Variants in ARHGEF10L observed in about 807,000 individuals in gnomAD.
ARHGEF10L encodes the protein rho guanine nucleotide exchange factor 10-like protein.
ARHGEF10L carries 69 observed loss-of-function variants against 141.2 expected under a neutral mutation model. The ratio of observed to expected loss-of-function variants is 0.49; its 90% CI spans 0.40 to 0.60. The LOEUF (loss-of-function observed/expected upper bound fraction) is 0.60. Among genes scored for constraint, ARHGEF10L ranks in the 20% least tolerant of loss-of-function variants. ARHGEF10L has a pLI of 0.00. For synonymous variants in ARHGEF10L, 711 were observed against 718.5 expected, an observed-to-expected ratio of 0.99 and a Z score of 0.17; for missense variants, 1,482 against 1,734.3, an observed-to-expected ratio of 0.85 and a Z score of 2.58.
Position 17,654,709 on chromosome 1 carries a change from A to T in ARHGEF10L, c.2468A>T (p.Gln823Leu). The T allele has an allele frequency of 6.2e-7, 1 of 1,614,056 alleles. No homozygotes were observed. Among genetic ancestry groups the T allele is most frequent in the South Asian group, 1.1e-5 (1 of 91,060 alleles). ...TCAGCAGTCAGCACCTCCCTTCCAC[A>T]GGGCTACCTCTGGGTGAGTCACCCC... ...GFSAVSTSLP[Q>L]GYLWVGGGQE... Residue 823 changes from glutamine (Q) to leucine (L), a missense_variant, in exon 23 of 29, where the codon CAG (glutamine) becomes CTG (leucine). By Grantham distance (113) the Gln-to-Leu change is moderately radical. Transcript: ENST00000361221. This position sits in a 1 kb window ranked among gnomAD's most constrained non-coding sequence, Gnocchi z 4.3.
In ARHGEF10L at chr1:17,685,002, C is replaced by A. The variant is rs543154879; in HGVS notation, c.3010-2571C>A. Reference sequence around the variant, plus strand: ...TGATCAGGAATGAGCCCGGAGCTCACTGGCTTAGCTCCGCATGGAGACCCC... The same window carrying A: ...TGATCAGGAATGAGCCCGGAGCTCAATGGCTTAGCTCCGCATGGAGACCCC... On this transcript the variant is annotated intron_variant, in intron 26 of 28. Transcript: ENST00000361221. Among the ~76,000 whole-genome samples, 182 of 152,302 alleles carry A rather than the reference C, an allele frequency of 1.2e-3. 1 individual carries two copies. Among genetic ancestry groups the A allele is most frequent in the African/African-American group, 4.1e-3 (169 of 41,560 alleles).
chr1:17,580,396 T>A (rs532694942), intron 1 of ARHGEF10L, among the ~76,000 whole-genome samples, 157 bp from the exon 2 acceptor site: 1 of 152,178 alleles, frequency 6.6e-6, no homozygotes, highest in Non-Finnish European at 1.5e-5. Flanking sequence ...TATGGGTTAA[T>A]GATTTATGAA....
intron 1 of ARHGEF10L, among the ~76,000 whole-genome samples, chr1:17,569,930 T>G (rs1438174641): frequency 6.6e-6 from 1 of 152,246 alleles, no homozygotes; most frequent in Non-Finnish European, 1.5e-5. Flanking sequence ...TCTGACCATT[T>G]CCTGGCATCA....
chr1:17,677,685 A>C (rs955445624), intron 26 of ARHGEF10L, among the ~76,000 whole-genome samples: 5 of 152,230 alleles, frequency 3.3e-5, no homozygotes, highest in Non-Finnish European at 7.3e-5. Flanking sequence ...CTCCATTAGC[A>C]GCAACTTGAG....
At chr1:17,519,891 A>C in the ARHGEF10L span, among the ~76,000 whole-genome samples, 1 of 151,556 alleles carries the variant, frequency 6.6e-6, no homozygotes, top group South Asian at 2.1e-4. Flanking sequence ...GGCCGGTTGC[A>C]TGATGTCACA....
chr1:17,574,203 G>A (rs114540187), intron 1 of ARHGEF10L, among the ~76,000 whole-genome samples: 1,982 of 152,258 alleles, frequency 0.013, 52 homozygotes, highest in African/African-American at 0.046. Flanking sequence ...CAGGGGCTCC[G>A]TAGCTGTGTG....
In ARHGEF10L at chr1:17,638,548, C is replaced by T; in HGVS notation, c.2044-14C>T. ...TGTGCTGTGTGGTGACCTCATTGGCCTCCTGAACCCTAGAACCTGAACATG... is the reference window on the plus strand; with the variant it reads ...TGTGCTGTGTGGTGACCTCATTGGCTTCCTGAACCCTAGAACCTGAACATG... On this transcript the variant is annotated splice_polypyrimidine_tract_variant and intron_variant, in intron 19 of 28. Transcript: ENST00000361221. 6.2e-7 allele frequency: 1 copy of T among 1,614,112 alleles called. No individual in the cohort carries two copies. Among genetic ancestry groups the T allele is most frequent in the Non-Finnish European group, 8.5e-7 (1 of 1,179,992 alleles).
chr1:17,606,568 A>G lies in ARHGEF10L; in HGVS notation c.434-1234A>G, dbSNP rs989513548. On this transcript the variant is annotated intron_variant, in intron 6 of 28. Transcript: ENST00000361221. ...CTCAGCCTCCCAAAGTGGTGGGATT[A>G]CAGGTGTGAGCCACCGCGACCAGTC... Among the ~76,000 whole-genome samples the G allele has an allele frequency of 3.3e-5, 5 of 151,068 alleles. No individual in the cohort carries two copies. The East Asian group carries it at 9.7e-4, about 29-fold the overall frequency.
At chr1:17,632,074 G>A (rs999140701) in intron 15 of ARHGEF10L, among the ~76,000 whole-genome samples, 1 of 152,226 alleles carries the variant, frequency 6.6e-6, no homozygotes, top group Non-Finnish European at 1.5e-5. Flanking sequence ...ACTGGCTGCT[G>A]GGCCCACACG....
At chr1:17,632,538 T>C (rs1321199381) in intron 16 of ARHGEF10L, 72 bp downstream of exon 16, 3 of 1,595,744 alleles carry the variant, frequency 1.9e-6, no homozygotes, top group Non-Finnish European at 2.6e-6. Flanking sequence ...TCCAGTCTCT[T>C]GGCCGGCCGC....
chr1:17,569,768 C>T (rs777530924), intron 1 of ARHGEF10L, among the ~76,000 whole-genome samples: 1 of 152,240 alleles, frequency 6.6e-6, no homozygotes, highest in African/African-American at 2.4e-5. Context: ...ATGTGCCTGC[C>T]TGGTGACGGT....
chr1:17,635,093 G>A, intron 18 of ARHGEF10L, 77 bp downstream of exon 18: 2 of 1,567,690 alleles, frequency 1.3e-6, no homozygotes, highest in South Asian at 2.3e-5. Context: ...TCCTACCCAG[G>A]CTTGGCCCTG....
intron 4 of ARHGEF10L, among the ~76,000 whole-genome samples, chr1:17,596,249 G>C (rs2080088916): frequency 6.6e-6 from 1 of 152,256 alleles, no homozygotes; most frequent in Admixed American, 6.5e-5. Flanking sequence ...TGTACAACCA[G>C]GTCAAGTGGC....
At chr1:17,550,516 G>A (rs557803660) in intron 1 of ARHGEF10L, among the ~76,000 whole-genome samples, 15 of 152,164 alleles carry the variant, frequency 9.9e-5, no homozygotes, top group African/African-American at 2.2e-4. Context: ...GGTGGCGGGC[G>A]CCTGTAATCC....
rs760601129 is a variant in ARHGEF10L, at chr1:17,622,982, G to A, written c.1021-14G>A. On this transcript the variant is annotated splice_polypyrimidine_tract_variant and intron_variant, in intron 11 of 28. Coordinates refer to ENST00000361221, the MANE Select transcript of ARHGEF10L (RefSeq NM_018125.4). ...GCGGCCTGGCCTGCGGCCTCACCCC[G>A]CCCTCCCCGGCAGGACTACCGCAAC... 1.2e-5 allele frequency: 19 copies of A among 1,606,516 alleles called. No homozygotes were observed. Among genetic ancestry groups the A allele is most frequent in the African/African-American group, 9.4e-5 (7 of 74,740 alleles).
intron 17 of ARHGEF10L, 60 bp downstream of exon 17, chr1:17,634,622 A>C: frequency 6.3e-7 from 1 of 1,598,764 alleles, no homozygotes; most frequent in South Asian, 1.1e-5. Flanking sequence ...CTCTGGTGCC[A>C]TGTGATTCTG....
the ARHGEF10L span, among the ~76,000 whole-genome samples, chr1:17,528,545 C>T: frequency 7.0e-6 from 1 of 141,862 alleles, no homozygotes; most frequent in Non-Finnish European, 1.6e-5. Flanking sequence ...ATCCATCCAC[C>T]CATCCATCCA....
chr1:17,530,082 T>C, the ARHGEF10L span, among the ~76,000 whole-genome samples: 752 of 152,146 alleles, frequency 4.9e-3, 10 homozygotes, highest in African/African-American at 0.017. Context: ...ATCCACTCAC[T>C]TCGGCATTCC....
intron 21 of ARHGEF10L, among the ~76,000 whole-genome samples, chr1:17,641,022 C>G (rs1181607756): frequency 5.9e-5 from 9 of 152,206 alleles, no homozygotes; most frequent in Non-Finnish European, 1.3e-4. Flanking sequence ...TGAGGTCACA[C>G]AGAAGGAAGG....
Sources: gnomAD v4.1 joint callset for allele counts (sites outside exome capture counted in the v4.1 genomes callset) on GRCh38, gnomAD v4.1.1 for gene constraint, Gnocchi (gnomAD v3.1) non-coding constraint, MANE v1.5 for transcripts, NCBI Gene and HGNC (gene_info 2026-07-23, HGNC 2026-07-21) for gene names.